ARHGAP32: variants seen among roughly 807,000 people sequenced by gnomAD.
ARHGAP32 encodes rho GTPase-activating protein 32.
A neutral mutation model predicts 186.5 loss-of-function variants in ARHGAP32; 51 were observed. That is an observed-to-expected ratio of 0.27 (90% CI 0.22 to 0.35). ARHGAP32 has a LOEUF of 0.35. Ranked by LOEUF, ARHGAP32 falls within the 10% of genes least tolerant of loss-of-function variation. The pLI, the probability that ARHGAP32 is intolerant of heterozygous loss-of-function variation, is 1.00. For missense variants in ARHGAP32, 2,186 were observed against 2,623.5 expected (o/e 0.83, Z 3.64); for synonymous variants, 950 against 964.3 (o/e 0.99, Z 0.27).
intron 10 of ARHGAP32, among the ~76,000 whole-genome samples, chr11:129,043,381 C>CTTTTTTTTTTTTTTT: frequency 9.7e-6 from 1 of 103,336 alleles, no homozygotes; most frequent in Non-Finnish European, 1.9e-5. Flanking sequence ...TTCTTTTTTT[C>CTTTTTTTTTTTTTTT]TTTTTTTTTT....
chr11:129,125,458 A>G (rs1942638273), intron 2 of ARHGAP32, among the ~76,000 whole-genome samples: 1 of 152,134 alleles, frequency 6.6e-6, no homozygotes, highest in South Asian at 2.1e-4. Flanking sequence ...TGGACAAAAT[A>G]AAAGTCAAGT....
intron 5 of ARHGAP32, among the ~76,000 whole-genome samples, chr11:129,120,141 G>C (rs1440902421): frequency 2.6e-5 from 4 of 152,198 alleles, no homozygotes; most frequent in Admixed American, 6.6e-5. Flanking sequence ...TAGCAGAGAA[G>C]CAGGTGGGCA....
At chr11:129,218,389 G>T (rs1282269298) in intron 1 of ARHGAP32, among the ~76,000 whole-genome samples, 4 of 151,856 alleles carry the variant, frequency 2.6e-5, no homozygotes, top group Admixed American at 2.6e-4. Flanking sequence ...GCTGTTTCAA[G>T]TTCTTTAGAG....
At chr11:129,150,114 C>CAAAAAAAAAAAAAAA (rs61492745) in intron 2 of ARHGAP32, among the ~76,000 whole-genome samples, 1 of 78,176 alleles carries the variant, frequency 1.3e-5, no homozygotes, top group Admixed American at 1.3e-4. Flanking sequence ...CTGACAAAGA[C>CAAAAAAAAAAAAAAA]AAAAAAAAAA....
intron 11 of ARHGAP32, among the ~76,000 whole-genome samples, chr11:129,014,037 T>C (rs1938215484): frequency 6.6e-6 from 1 of 152,164 alleles, no homozygotes; most frequent in Admixed American, 6.6e-5. Context: ...AGATAAAATA[T>C]ATAAAAAATA....
intron 2 of ARHGAP32, among the ~76,000 whole-genome samples, chr11:129,162,399 G>A (rs190686620): frequency 6.6e-6 from 1 of 152,310 alleles, no homozygotes; most frequent in East Asian, 1.9e-4. Context: ...AATGATTTCA[G>A]TGGTTTTCCT....
chr11:129,002,591 T>C (rs1169934339), intron 11 of ARHGAP32, among the ~76,000 whole-genome samples: 1 of 152,170 alleles, frequency 6.6e-6, no homozygotes, highest in Non-Finnish European at 1.5e-5. Flanking sequence ...TTTCTTTCTC[T>C]TTTCTGATTG....
intron 1 of ARHGAP32, among the ~76,000 whole-genome samples, chr11:129,204,413 GC>G (rs1287494172): frequency 1.3e-5 from 2 of 152,060 alleles, no homozygotes. Context: ...TAGGGGTAAG[GC>G]TATGCAAAAA....
At chr11:129,043,082 T>C (rs1939662261) in intron 10 of ARHGAP32, among the ~76,000 whole-genome samples, 1 of 152,230 alleles carries the variant, frequency 6.6e-6, no homozygotes, top group Non-Finnish European at 1.5e-5. Context: ...AAAAAGATCC[T>C]GATGCCTTGA....
At chr11:129,233,499 A>C (rs1944885900) in intron 1 of ARHGAP32, among the ~76,000 whole-genome samples, 1 of 152,174 alleles carries the variant, frequency 6.6e-6, no homozygotes, top group African/African-American at 2.4e-5. Context: ...AACTCTACCA[A>C]TGCTGAAATG....
intron 1 of ARHGAP32, among the ~76,000 whole-genome samples, chr11:129,241,993 A>C (rs1199050539): frequency 6.6e-6 from 1 of 152,220 alleles, no homozygotes; most frequent in African/African-American, 2.4e-5. Context: ...ATAGAGTAGA[A>C]ATGGGAGGCA....
chr11:129,032,772 AAG>A (rs1490387794), intron 11 of ARHGAP32, among the ~76,000 whole-genome samples: 2 of 152,170 alleles, frequency 1.3e-5, no homozygotes, highest in South Asian at 2.1e-4. Context: ...CAAAAATAGA[AAG>A]AGACTTAAAT....
At chr11:129,111,499 G>C (rs1465108916) in intron 5 of ARHGAP32, among the ~76,000 whole-genome samples, 1 of 152,180 alleles carries the variant, frequency 6.6e-6, no homozygotes, top group Admixed American at 6.5e-5. Flanking sequence ...AAGCTTGGTA[G>C]AAATCAGCAG....
chr11:129,226,839 T>C (rs1360726918), intron 1 of ARHGAP32, among the ~76,000 whole-genome samples: 1 of 152,046 alleles, frequency 6.6e-6, no homozygotes, highest in Non-Finnish European at 1.5e-5. Flanking sequence ...AATTTGTAGT[T>C]AGAAAATCTG....
chr11:129,023,936 G>A (rs1938713952), intron 11 of ARHGAP32: 2 of 985,298 alleles, frequency 2.0e-6, no homozygotes, highest in African/African-American at 3.5e-5. Flanking sequence ...GATTCATCAG[G>A]ATACAACAGC....
rs552982502 is a variant in ARHGAP32 at position 128,966,550 on chromosome 11, A to T, written c.*2357T>A. On this transcript the variant is annotated 3_prime_UTR_variant, in exon 23 of 23. Transcript: ENST00000682385. ...TAATTGCAATCATCATTCTGTATTC[A>T]AATATTTACCTGATATTTCTAAACC... The T allele has an allele frequency of 2.2e-4, 34 of 152,376 alleles. 1 individual carries two copies. In the South Asian group the frequency reaches 7.0e-3, roughly 32 times the overall value. 9.4% of individuals were successfully genotyped at this position (152,376 alleles called of 1,614,324 possible).
intron 15 of ARHGAP32, among the ~76,000 whole-genome samples, chr11:128,984,378 A>T (rs866097797): frequency 6.6e-6 from 1 of 152,114 alleles, no homozygotes; most frequent in African/African-American, 2.4e-5. Flanking sequence ...CTGCCTCAAA[A>T]AAAAAAAGGA....
intron 11 of ARHGAP32, among the ~76,000 whole-genome samples, chr11:129,026,620 C>T (rs1014088937): frequency 6.6e-6 from 1 of 151,806 alleles, no homozygotes; most frequent in South Asian, 2.1e-4. Flanking sequence ...ATGGTGAAAC[C>T]CTGTCTCTAC....
chr11:128,984,766 A>T (rs564606421), intron 15 of ARHGAP32, among the ~76,000 whole-genome samples: 1 of 152,322 alleles, frequency 6.6e-6, no homozygotes, highest in African/African-American at 2.4e-5. Flanking sequence ...GGATATATAT[A>T]CATATAAGTA....
Sources: allele counts gnomAD v4.1 joint callset (sites outside exome capture counted in the v4.1 genomes callset), GRCh38; gene constraint gnomAD v4.1.1; transcripts MANE v1.5; gene names NCBI Gene and HGNC (gene_info 2026-07-23, HGNC 2026-07-21).